Variants in HRH2 observed in about 807,000 individuals in gnomAD.
The protein encoded by HRH2 is histamine receptor H2.
HRH2 carries 4 observed loss-of-function variants against 20.1 expected under a neutral mutation model. The ratio of observed to expected loss-of-function variants is 0.20; its 90% CI spans 0.10 to 0.45. HRH2 has a LOEUF of 0.45. Among genes scored for constraint, HRH2 ranks in the 20% least tolerant of loss-of-function variants. The pLI, the probability that HRH2 is intolerant of heterozygous loss-of-function variation, is 0.99. For synonymous variants in HRH2, 197 were observed against 200.7 expected (o/e 0.98, Z 0.16); for missense variants, 250 against 461.6 (o/e 0.54, Z 4.20).
intron 1 of HRH2, among the ~76,000 whole-genome samples, chr5:175,659,860 G>A (rs1180400011): frequency 2.0e-5 from 3 of 152,146 alleles, no homozygotes; most frequent in African/African-American, 7.2e-5. Flanking sequence ...TCTTGCCAAG[G>A]GATTTCTCTA....
At position 175,677,500 on chromosome 5, in the gene HRH2, A is replaced by C. The variant is rs755221019; in HGVS notation, c.-525-5209A>C. Among the ~76,000 whole-genome samples the C allele has an allele frequency of 5.9e-5, 9 of 152,212 alleles. No individual in the cohort carries two copies. The highest frequency in any genetic ancestry group is 1.2e-4 in the Non-Finnish European group (8 of 68,032). On this transcript the variant is annotated intron_variant, in intron 1 of 2. Coordinates refer to ENST00000636584, the MANE Select transcript of HRH2 (RefSeq NM_001367711.1). This position sits in a 1 kb window ranked among gnomAD's most constrained non-coding sequence, Gnocchi z 4.2. Reference sequence around the variant, plus strand: ...ATTTCAGCTCTGACTGTCTGGGCTGAAGCCACGTTGGTCCGCAGCTCGTAT... The same window carrying C: ...ATTTCAGCTCTGACTGTCTGGGCTGCAGCCACGTTGGTCCGCAGCTCGTAT...
chr5:175,707,526 C>T (rs958376428), intron 2 of HRH2, among the ~76,000 whole-genome samples: 2 of 152,214 alleles, frequency 1.3e-5, no homozygotes, highest in African/African-American at 4.8e-5. Context: ...ACCACAGGCA[C>T]ACAACATGTT....
intron 1 of HRH2, among the ~76,000 whole-genome samples, chr5:175,664,658 A>AT (rs539129768): frequency 0.011 from 1,701 of 150,378 alleles, 16 homozygotes; most frequent in South Asian, 0.04. Flanking sequence ...CCACGGCAGG[A>AT]TTTTTTTTTT....
chr5:175,689,494 G>C (rs1278818865), intron 2 of HRH2, among the ~76,000 whole-genome samples: 1 of 152,214 alleles, frequency 6.6e-6, no homozygotes, highest in Non-Finnish European at 1.5e-5. Flanking sequence ...AAATGAATGA[G>C]TGGATGTCTT....
At chr5:175,660,808 T>G (rs1195131665) in intron 1 of HRH2, among the ~76,000 whole-genome samples, 1 of 152,172 alleles carries the variant, frequency 6.6e-6, no homozygotes, top group Non-Finnish European at 1.5e-5. Context: ...AGATTGAAGT[T>G]TTCACCATCT....
chr5:175,686,019 C>T lies in HRH2; in HGVS notation c.1076+1710C>T, dbSNP rs1756159337. On this transcript the variant is annotated intron_variant, in intron 2 of 2. Transcript: ENST00000636584. This position sits in a 1 kb window ranked among gnomAD's most constrained non-coding sequence, Gnocchi z 4.7. ...CTCCTTCACCACTGTCCATCTGAAGCAAGCCTGGTTGCTCCGGCACTGAAC... is the reference window on the plus strand; with the variant it reads ...CTCCTTCACCACTGTCCATCTGAAGTAAGCCTGGTTGCTCCGGCACTGAAC... The T allele has an allele frequency of 6.5e-6, 1 of 153,588 alleles. No homozygotes were observed. The highest frequency in any genetic ancestry group is 2.4e-5 in the African/African-American group (1 of 41,462). 9.5% of individuals were successfully genotyped at this position (153,588 alleles called of 1,614,324 possible).
At chr5:175,673,265 G>A (rs546635115) in intron 1 of HRH2, among the ~76,000 whole-genome samples, 4 of 152,132 alleles carry the variant, frequency 2.6e-5, no homozygotes, top group South Asian at 2.1e-4. Context: ...GCATGTGCGC[G>A]TTTCACAGGC....
rs1198161580 is a variant in HRH2, at chr5:175,708,142, A to G, written c.*171A>G. 1 of 395,148 alleles carries G rather than the reference A, an allele frequency of 2.5e-6. No homozygotes were observed. The highest frequency in any genetic ancestry group is 4.5e-6 in the Non-Finnish European group (1 of 224,416). 24.5% of individuals were successfully genotyped at this position (395,148 alleles called of 1,614,324 possible). On this transcript the variant is annotated 3_prime_UTR_variant, in exon 3 of 3. Transcript: ENST00000636584. ...CCTCAGGCCTAGGGCGGAACAGCCT[A>G]TTCTGTGCTCAGCATTCCCAGACAG...
chr5:175,686,027 G>A lies in HRH2; in HGVS notation c.1076+1718G>A, dbSNP rs1462553608. The A allele has an allele frequency of 6.5e-6, 1 of 153,522 alleles. No individual in the cohort carries two copies. Among genetic ancestry groups the A allele is most frequent in the Non-Finnish European group, 1.5e-5 (1 of 68,944 alleles). The allele number at this position is 153,522 out of a possible 1,614,324, so 9.5% of individuals were successfully genotyped here. ...CCACTGTCCATCTGAAGCAAGCCTG[G>A]TTGCTCCGGCACTGAACTGTGGCCT... On this transcript the variant is annotated intron_variant, in intron 2 of 2. Coordinates refer to ENST00000636584, the MANE Select transcript of HRH2 (RefSeq NM_001367711.1). The surrounding 1 kb of genome is among the most constrained non-coding windows in gnomAD (Gnocchi z 4.7).
intron 1 of HRH2, among the ~76,000 whole-genome samples, chr5:175,673,712 T>G (rs1310654067): frequency 1.3e-5 from 2 of 150,880 alleles, no homozygotes; most frequent in African/African-American, 2.4e-5. Context: ...TTTTTTTGTT[T>G]TTTTTTTTTT....
intron 1 of HRH2, among the ~76,000 whole-genome samples, chr5:175,658,706 C>T (rs534837380): frequency 6.7e-6 from 1 of 148,930 alleles, no homozygotes; most frequent in Non-Finnish European, 1.5e-5. Context: ...GGCTGCCGCC[C>T]GCTGCCGGAT....
intron 1 of HRH2, among the ~76,000 whole-genome samples, chr5:175,679,247 A>G (rs1467391314): frequency 1.3e-5 from 2 of 152,152 alleles, no homozygotes; most frequent in African/African-American, 4.8e-5. Flanking sequence ...CTGAGAAGAG[A>G]GTGCTCCCAG....
chr5:175,705,522 A>G (rs1035249393), intron 2 of HRH2, among the ~76,000 whole-genome samples: 4 of 152,208 alleles, frequency 2.6e-5, no homozygotes, highest in Non-Finnish European at 4.4e-5. Flanking sequence ...AAACATATAC[A>G]TAGTAAGGCT....
intron 1 of HRH2, among the ~76,000 whole-genome samples, chr5:175,665,424 C>T (rs1487470154): frequency 6.6e-6 from 1 of 151,964 alleles, no homozygotes; most frequent in Non-Finnish European, 1.5e-5. Context: ...AGTGAGAGGC[C>T]CTGGATGCCT....
In HRH2 at chr5:175,693,877, C is replaced by A. The variant is rs796783997; in HGVS notation, c.1076+9568C>A. On this transcript the variant is annotated intron_variant, in intron 2 of 2. Coordinates refer to ENST00000636584, the MANE Select transcript of HRH2 (RefSeq NM_001367711.1). The surrounding 1 kb of genome is among the most constrained non-coding windows in gnomAD (Gnocchi z 4.4). ...CTTTTGTGGCTGCTGAGTTTCCTGC[C>A]GTCTCCCCCATTCACTCATCCCTTA... Among the ~76,000 whole-genome samples, 93 of 152,266 alleles carry A rather than the reference C, an allele frequency of 6.1e-4. No individual in the cohort carries two copies. Among genetic ancestry groups the A allele is most frequent in the African/African-American group, 2.2e-3 (91 of 41,560 alleles).
intron 1 of HRH2, among the ~76,000 whole-genome samples, chr5:175,679,206 A>G (rs1176022355): frequency 1.3e-5 from 2 of 152,200 alleles, no homozygotes; most frequent in African/African-American, 4.8e-5. Context: ...CCGGGGAGAC[A>G]CATTCTCATG....
chr5:175,670,209 G>T (rs370645660), intron 1 of HRH2, among the ~76,000 whole-genome samples: 1 of 152,160 alleles, frequency 6.6e-6, no homozygotes, highest in South Asian at 2.1e-4. Context: ...AAAGCAGAAG[G>T]ATCTCTTGAG....
rs140693128 is a variant in HRH2 at position 175,686,514 on chromosome 5, A to C, written c.1076+2205A>C. Among the ~76,000 whole-genome samples the C allele has an allele frequency of 1.9e-3, 283 of 152,328 alleles. 4 individuals are homozygous for C. Among genetic ancestry groups the C allele is most frequent in the African/African-American group, 6.3e-3 (263 of 41,556 alleles). ...CTAAGGGCACAAAGTGAGATAGAGC[A>C]TCTTCCACCCTGTGCCACCCTCGGC... On this transcript the variant is annotated intron_variant, in intron 2 of 2. Transcript: ENST00000636584. This position sits in a 1 kb window ranked among gnomAD's most constrained non-coding sequence, Gnocchi z 4.7.
intron 1 of HRH2, among the ~76,000 whole-genome samples, chr5:175,659,640 G>A (rs185094263): frequency 1.5e-3 from 235 of 152,294 alleles, no homozygotes; most frequent in Non-Finnish European, 2.6e-3. Flanking sequence ...CCTGTTCAGA[G>A]ACTGGAACCA....
Sources: allele counts gnomAD v4.1 joint callset (sites outside exome capture counted in the v4.1 genomes callset), GRCh38; gene constraint gnomAD v4.1.1; non-coding constraint Gnocchi (gnomAD v3.1); transcripts MANE v1.5; gene names NCBI Gene and HGNC (gene_info 2026-07-23, HGNC 2026-07-21).